The following SNX24 variants were observed in gnomAD, a reference collection of about 807,000 sequenced individuals.
SNX24 encodes the protein sorting nexin-24.
Under a neutral mutation model 28.7 loss-of-function variants are expected in SNX24, and 22 were observed. That is an observed-to-expected ratio of 0.77 (90% CI 0.55 to 1.10). The LOEUF is 1.10. Among genes scored for constraint, SNX24 ranks in the 50% least tolerant of loss-of-function variants. The probability of loss-of-function intolerance (pLI) is 0.00; values close to 1 mark genes in which losing one functional copy is unlikely to be tolerated. For synonymous variants in SNX24, 69 were observed against 71.5 expected (o/e 0.96, Z 0.18); for missense variants, 221 against 201.1 (o/e 1.10, Z -0.60).
chr5:122,937,553 A>G (rs1420790969), intron 2 of SNX24, among the ~76,000 whole-genome samples: 1 of 152,218 alleles, frequency 6.6e-6, no homozygotes, highest in Non-Finnish European at 1.5e-5. Flanking sequence ...ATCTAGAAAT[A>G]CCTCATGAAA....
intron 3 of SNX24, among the ~76,000 whole-genome samples, chr5:122,999,419 A>G (rs34348084): frequency 0.22 from 33,857 of 151,846 alleles, 4,811 homozygotes; most frequent in Non-Finnish European, 0.33. Context: ...ATAATTTATC[A>G]TATTTCCTAA....
intron 3 of SNX24, among the ~76,000 whole-genome samples, chr5:122,959,319 A>C (rs1204384090): frequency 4.2e-5 from 6 of 142,250 alleles, no homozygotes; most frequent in Non-Finnish European, 7.7e-5. Flanking sequence ...ATTTATCTCT[A>C]CTCTAATCTT....
At chr5:122,920,375 A>G (rs968101312) in intron 1 of SNX24, among the ~76,000 whole-genome samples, 16 of 152,236 alleles carry the variant, frequency 1.1e-4, no homozygotes, top group Non-Finnish European at 2.1e-4. Flanking sequence ...GGTAAGAGAG[A>G]TACAGACTAA....
intron 1 of SNX24, among the ~76,000 whole-genome samples, chr5:122,913,193 A>C (rs1422545750): frequency 6.6e-6 from 1 of 152,134 alleles, no homozygotes; most frequent in East Asian, 1.9e-4. Context: ...CAAAACCGCC[A>C]TTGTCATCAT....
At chr5:122,941,626 T>G (rs1467374483) in intron 2 of SNX24, among the ~76,000 whole-genome samples, 1 of 152,222 alleles carries the variant, frequency 6.6e-6, no homozygotes, top group Non-Finnish European at 1.5e-5. Flanking sequence ...TTTATCTAAT[T>G]AGAAGGTACT....
At chr5:123,023,820 A>ACC (rs1762803751) in intron 5 of SNX24, 1 of 1,595,510 alleles carries the variant, frequency 6.3e-7, no homozygotes, top group Admixed American at 1.7e-5. Context: ...ACACACACAC[A>ACC]CACACACACA....
chr5:122,952,703 T>G (rs989958406), intron 3 of SNX24, among the ~76,000 whole-genome samples: 1 of 152,252 alleles, frequency 6.6e-6, no homozygotes, highest in African/African-American at 2.4e-5. Context: ...ATCTCAAAAA[T>G]TGATGTAATA....
chr5:122,902,261 T>C (rs1396065746), intron 1 of SNX24, among the ~76,000 whole-genome samples: 1 of 152,258 alleles, frequency 6.6e-6, no homozygotes, highest in Non-Finnish European at 1.5e-5. Context: ...CTCTATAGCC[T>C]GAAGGTCAGA....
intron 1 of SNX24, among the ~76,000 whole-genome samples, chr5:122,886,495 T>A (rs1251105637): frequency 6.6e-6 from 1 of 152,192 alleles, no homozygotes; most frequent in Non-Finnish European, 1.5e-5. Flanking sequence ...CTTTTATTAT[T>A]TGTTGTATAT....
At chr5:122,939,729 C>G (rs961487032) in intron 2 of SNX24, among the ~76,000 whole-genome samples, 2 of 152,148 alleles carry the variant, frequency 1.3e-5, no homozygotes, top group African/African-American at 4.8e-5. Flanking sequence ...CCTAGATGTA[C>G]TGAATTAGAA....
chr5:122,991,151 C>A (rs990952429), intron 3 of SNX24, among the ~76,000 whole-genome samples: 5 of 152,118 alleles, frequency 3.3e-5, no homozygotes, highest in African/African-American at 1.2e-4. Flanking sequence ...CCCACTGCAG[C>A]CTCCCAAAGT....
At chr5:122,974,716 A>G (rs1467235643) in intron 3 of SNX24, among the ~76,000 whole-genome samples, 10 of 141,192 alleles carry the variant, frequency 7.1e-5, no homozygotes, top group Admixed American at 6.9e-4. Context: ...TATGTGGTGG[A>G]AATCACCCCT....
chr5:122,876,938 C>G (rs1274166051), intron 1 of SNX24, among the ~76,000 whole-genome samples: 1 of 152,110 alleles, frequency 6.6e-6, no homozygotes, highest in Non-Finnish European at 1.5e-5. Context: ...GAGCAGTGTC[C>G]TGTGTGCAGG....
chr5:122,896,682 GGGAAAAAAAGTCTTAGGTCA>G (rs1402171720), intron 1 of SNX24, among the ~76,000 whole-genome samples: 2 of 151,966 alleles, frequency 1.3e-5, no homozygotes, highest in Admixed American at 6.6e-5. Flanking sequence ...ATGTACTGTC[GGGAAAAAAAGTCTTAGGTCA>G]GGAAAAAAAG....
In SNX24 at chr5:123,008,091, T is replaced by C. The variant is rs1414332855; in HGVS notation, c.*342T>C. 9.6e-7 allele frequency: 1 copy of C among 1,042,460 alleles called. No homozygotes were observed. Among genetic ancestry groups the C allele is most frequent in the Non-Finnish European group, 1.2e-6 (1 of 866,846 alleles). The allele number at this position is 1,042,460 out of a possible 1,614,324, so 64.6% of individuals were successfully genotyped here. ...CTGCTTCAGTCGCACCATTTGCTAATTGAAAATCATATCCTGAATCATACT... is the reference window on the plus strand; with the variant it reads ...CTGCTTCAGTCGCACCATTTGCTAACTGAAAATCATATCCTGAATCATACT... On this transcript the variant is annotated 3_prime_UTR_variant, in exon 7 of 7. Coordinates refer to ENST00000261369, the MANE Select transcript of SNX24 (RefSeq NM_014035.4).
At chr5:123,002,087 C>T in intron 6 of SNX24, 83 bp downstream of exon 6, 1 of 1,062,972 alleles carries the variant, frequency 9.4e-7, no homozygotes, top group Non-Finnish European at 1.5e-6. Flanking sequence ...ACAGGTCTAA[C>T]AGAGTGACAT....
chr5:123,029,115 T>C, intron 5 of SNX24: 1 of 1,078,092 alleles, frequency 9.3e-7, no homozygotes, highest in Non-Finnish European at 1.3e-6. Context: ...TTGATGATGA[T>C]TTTCTCCCAA....
chr5:122,853,228 G>A (rs558755744), intron 1 of SNX24, among the ~76,000 whole-genome samples: 2 of 133,452 alleles, frequency 1.5e-5, no homozygotes, highest in South Asian at 2.6e-4. Context: ...CCAGGTTCAC[G>A]CCATTCTCCT....
intron 3 of SNX24, among the ~76,000 whole-genome samples, chr5:122,946,630 C>T (rs1759699080): frequency 6.6e-6 from 1 of 152,100 alleles, no homozygotes; most frequent in South Asian, 2.1e-4. Context: ...GATGAAGTGC[C>T]AACCTCTTTG....
Sources: allele counts gnomAD v4.1 joint callset (sites outside exome capture counted in the v4.1 genomes callset), GRCh38; gene constraint gnomAD v4.1.1; transcripts MANE v1.5; gene names NCBI Gene and HGNC (gene_info 2026-07-23, HGNC 2026-07-21).